The following RAI1 variants were observed in gnomAD, a reference collection of about 807,000 sequenced individuals.
RAI1 encodes the protein retinoic acid induced 1.
In RAI1, 9 loss-of-function variants were observed where a neutral mutation model predicts 123.8. The observed-to-expected ratio is 0.07, with a 90% confidence interval of 0.04 to 0.13. The LOEUF is 0.13. Among genes scored for constraint, RAI1 ranks in the 10% least tolerant of loss-of-function variants. The pLI, the probability that RAI1 is intolerant of heterozygous loss-of-function variation, is 1.00. For synonymous variants in RAI1, 1,231 were observed against 1,127.3 expected (o/e 1.09, Z -1.84); for missense variants, 2,256 against 2,545.8 (o/e 0.89, Z 2.45).
At chr17:17,699,637 G>GA (rs1170352027) in intron 1 of RAI1, among the ~76,000 whole-genome samples, 1 of 143,576 alleles carries the variant, frequency 7.0e-6, no homozygotes, top group Non-Finnish European at 1.5e-5. Context: ...GCCGGGGGGG[G>GA]GGGAATCAAA....
At chr17:17,734,410 C>T (rs1373509325) in intron 2 of RAI1, among the ~76,000 whole-genome samples, 2 of 152,106 alleles carry the variant, frequency 1.3e-5, no homozygotes, top group Non-Finnish European at 2.9e-5. Context: ...TACCACTGCA[C>T]TCCAGCCTGG....
chr17:17,797,232 C>T lies in RAI1; in HGVS notation c.4284C>T (p.Ala1428=). Reference sequence around the variant, plus strand: ...CTACTGACTGTTTCAAAACCGAGGCCTTCACATCCCCGGAGGCCCTGCAGC... The same window carrying T: ...CTACTGACTGTTTCAAAACCGAGGCTTTCACATCCCCGGAGGCCCTGCAGC... ...LSSTDCFKTE[A]FTSPEALQPG... The change falls in exon 3 of 6, where the codon GCC becomes GCT. Residue 1428 remains alanine, a synonymous_variant. Coordinates refer to ENST00000353383, the MANE Select transcript of RAI1 (RefSeq NM_030665.4). 1 of 1,613,634 alleles carries T rather than the reference C, an allele frequency of 6.2e-7. No individual in the cohort carries two copies. The highest frequency in any genetic ancestry group is 8.5e-7 in the Non-Finnish European group (1 of 1,180,026).
chr17:17,778,617 C>G (rs566686835), intron 2 of RAI1: 4 of 407,900 alleles, frequency 9.8e-6, no homozygotes, highest in African/African-American at 6.1e-5. Context: ...GGTGGCTCCT[C>G]TCACCCCTGA....
At chr17:17,736,950 A>G (rs1242961512) in intron 2 of RAI1, among the ~76,000 whole-genome samples, 1 of 152,162 alleles carries the variant, frequency 6.6e-6, no homozygotes, top group African/African-American at 2.4e-5. Flanking sequence ...ACATCTCTGG[A>G]GATGGGATAT....
At chr17:17,705,748 G>A (rs1915373283) in intron 1 of RAI1, among the ~76,000 whole-genome samples, 1 of 151,860 alleles carries the variant, frequency 6.6e-6, no homozygotes, top group Non-Finnish European at 1.5e-5. Context: ...CAAAAAGGCT[G>A]GGCACGGTGG....
At chr17:17,762,844 GC>G (rs2142992764) in intron 2 of RAI1, among the ~76,000 whole-genome samples, 1 of 150,864 alleles carries the variant, frequency 6.6e-6, no homozygotes, top group South Asian at 2.1e-4. Flanking sequence ...TGCCCACACT[GC>G]CCACTCCCCA....
At chr17:17,724,401 CTTTCCTTTTT>C (rs1916004241) in intron 2 of RAI1, among the ~76,000 whole-genome samples, 1 of 104,078 alleles carries the variant, frequency 9.6e-6, no homozygotes. Context: ...GAATTTCTTT[CTTTCCTTTTT>C]TTTTTTTTTT....
rs141738081 is a variant in RAI1, at chr17:17,772,439, AAC to A, written c.-16-20488_-16-20487del. Among the ~76,000 whole-genome samples the A allele has an allele frequency of 3.2e-3, 485 of 152,088 alleles. 7 individuals carry two copies. Among genetic ancestry groups the A allele is most frequent in the East Asian group, 0.03 (154 of 5,170 alleles). On this transcript the variant is annotated intron_variant, in intron 2 of 5. Coordinates refer to ENST00000353383, the MANE Select transcript of RAI1 (RefSeq NM_030665.4). The stretch of plus-strand genomic sequence containing the variant: ...TCACTGCAGCCACTGCAGACTCCCC[AAC>A]ACACATGTGTGATGCTCACTGTTGC...
chr17:17,784,621 G>C (rs1021102486), intron 2 of RAI1, among the ~76,000 whole-genome samples: 11 of 152,200 alleles, frequency 7.2e-5, no homozygotes, highest in Non-Finnish European at 1.2e-4. Context: ...CAGGAGAGGG[G>C]GGGTGTAGGC....
At position 17,794,032 on chromosome 17, in the gene RAI1, C is replaced by T. The variant is rs772358560; in HGVS notation, c.1084C>T (p.Pro362Ser). The change falls in exon 3 of 6, where the codon CCG (proline) becomes TCG (serine). Residue 362 changes from proline (P) to serine (S), a missense_variant. Pro to Ser is a moderately conservative substitution (Grantham distance 74). Coordinates refer to ENST00000353383, the MANE Select transcript of RAI1 (RefSeq NM_030665.4). ...RSPSYSSTPS[P>S]LMPNLENFPY... ...ACCTTCCTACAGTTCCACACCGTCG[C>T]CGCTGATGCCAAACCTGGAGAACTT... 3.1e-6 allele frequency: 5 copies of T among 1,613,976 alleles called. No individual in the cohort carries two copies. The highest frequency in any genetic ancestry group is 4.2e-6 in the Non-Finnish European group (5 of 1,180,026).
chr17:17,700,749 T>A (rs1344500608), intron 1 of RAI1, among the ~76,000 whole-genome samples: 2 of 152,040 alleles, frequency 1.3e-5, no homozygotes, highest in Non-Finnish European at 2.9e-5. Context: ...TTCATTAATT[T>A]ATCGCCCTGC....
intron 1 of RAI1, among the ~76,000 whole-genome samples, chr17:17,699,468 T>G (rs966014216): frequency 1.3e-5 from 2 of 152,228 alleles, no homozygotes; most frequent in African/African-American, 4.8e-5. Context: ...AAGCATTTAT[T>G]CATGCATTCA....
chr17:17,700,271 G>C (rs1915173219), intron 1 of RAI1, among the ~76,000 whole-genome samples: 1 of 152,130 alleles, frequency 6.6e-6, no homozygotes, highest in African/African-American at 2.4e-5. Context: ...TCTGGCTCTC[G>C]GACGCAGCCT....
intron 2 of RAI1, among the ~76,000 whole-genome samples, chr17:17,767,124 G>A (rs1404706336): frequency 6.6e-6 from 1 of 152,176 alleles, no homozygotes; most frequent in Non-Finnish European, 1.5e-5. Flanking sequence ...CTTTGCTGGG[G>A]TGCACACCGT....
At chr17:17,804,014 C>T (rs1349832218) in intron 4 of RAI1, 165 bp downstream of exon 4, 1 of 760,032 alleles carries the variant, frequency 1.3e-6, no homozygotes, top group East Asian at 2.7e-5. Flanking sequence ...TAGACCTCTG[C>T]TGGGCAATGC....
At chr17:17,779,996 C>CG (rs1453303001) in intron 2 of RAI1, among the ~76,000 whole-genome samples, 2 of 151,356 alleles carry the variant, frequency 1.3e-5, no homozygotes, top group East Asian at 3.9e-4. Context: ...AGGATGGTCT[C>CG]GATCTCCTGA....
At chr17:17,761,734 G>A (rs2030705749) in intron 2 of RAI1, among the ~76,000 whole-genome samples, 1 of 152,208 alleles carries the variant, frequency 6.6e-6, no homozygotes, top group African/African-American at 2.4e-5. Flanking sequence ...AAATTTGGGA[G>A]CTGGGGAGGT....
intron 2 of RAI1, among the ~76,000 whole-genome samples, chr17:17,780,870 C>G (rs1452459414): frequency 1.3e-5 from 2 of 152,226 alleles, no homozygotes; most frequent in Non-Finnish European, 2.9e-5. Flanking sequence ...GAGGCTGTGT[C>G]CCTGTCTCTC....
At chr17:17,747,800 C>T (rs1254446086) in intron 2 of RAI1, among the ~76,000 whole-genome samples, 1 of 152,170 alleles carries the variant, frequency 6.6e-6, no homozygotes, top group Non-Finnish European at 1.5e-5. Context: ...CACAGTGGTG[C>T]ATGTCTATAA....
Sources: allele counts gnomAD v4.1 joint callset (sites outside exome capture counted in the v4.1 genomes callset), GRCh38; gene constraint gnomAD v4.1.1; transcripts MANE v1.5; gene names NCBI Gene and HGNC (gene_info 2026-07-23, HGNC 2026-07-21).